HDAC1: variants seen among roughly 807,000 people sequenced by gnomAD.
HDAC1 encodes histone deacetylase 1.
HDAC1 carries 18 observed loss-of-function variants against 65.5 expected under a neutral mutation model. That is an observed-to-expected ratio of 0.27 (90% CI 0.19 to 0.41). HDAC1 has a LOEUF of 0.41. Among genes scored for constraint, HDAC1 ranks in the 10% least tolerant of loss-of-function variants. The probability of loss-of-function intolerance (pLI) is 1.00; values close to 1 mark genes in which losing one functional copy is unlikely to be tolerated. For synonymous variants in HDAC1, 211 were observed against 227.9 expected (o/e 0.93, Z 0.67); for missense variants, 373 against 625.2 (o/e 0.60, Z 4.30).
At chr1:32,297,053 A>T (rs1385204488) in intron 1 of HDAC1, among the ~76,000 whole-genome samples, 1 of 152,132 alleles carries the variant, frequency 6.6e-6, no homozygotes, top group Non-Finnish European at 1.5e-5. Flanking sequence ...GGGGTAGGGC[A>T]GTTGGTGGAG....
intron 2 of HDAC1, 131 bp downstream of exon 2, chr1:32,302,864 A>G: frequency 1.6e-6 from 1 of 629,462 alleles, no homozygotes. Context: ...GTTACAAGGC[A>G]GGTACTGTAA....
Position 32,331,227 on chromosome 1 carries a change from G to A in HDAC1, c.980-247G>A, listed in dbSNP as rs1342222094. On this transcript the variant is annotated intron_variant, in intron 9 of 13. Coordinates refer to ENST00000373548, the MANE Select transcript of HDAC1 (RefSeq NM_004964.3). This position sits in a 1 kb window ranked among gnomAD's most constrained non-coding sequence, Gnocchi z 4.2. The stretch of plus-strand genomic sequence containing the variant: ...GCGCTCATAATGAGCATGGCCTCAA[G>A]TGTCCTAAACCAGGGACATGGGCCT... 6.6e-6 allele frequency among the ~76,000 whole-genome samples: 1 copy of A among 152,176 alleles called. No homozygotes were observed. Among genetic ancestry groups the A allele is most frequent in the African/African-American group, 2.4e-5 (1 of 41,422 alleles).
Position 32,306,941 on chromosome 1 carries a change from T to C in HDAC1, c.162+4208T>C, listed in dbSNP as rs1640918994. Among the ~76,000 whole-genome samples, 5 of 152,198 alleles carry C rather than the reference T, an allele frequency of 3.3e-5. No homozygotes were observed. The South Asian group carries it at 1.0e-3, about 31-fold the overall frequency. On this transcript the variant is annotated intron_variant, in intron 2 of 13. Coordinates refer to ENST00000373548, the MANE Select transcript of HDAC1 (RefSeq NM_004964.3). ...TTATAGCAATAAGCCGTTTACAGTT[T>C]CATGCATAGAAGATTCATTCCTGGC...
chr1:32,316,823 T>G, intron 3 of HDAC1, 41 bp downstream of exon 3: 1 of 1,234,416 alleles, frequency 8.1e-7, no homozygotes, highest in Non-Finnish European at 1.2e-6. Context: ...AGCCGCCAGT[T>G]GCATCTCCCT....
At chr1:32,299,822 C>T (rs907241841) in intron 1 of HDAC1, among the ~76,000 whole-genome samples, 8 of 151,876 alleles carry the variant, frequency 5.3e-5, no homozygotes, top group Non-Finnish European at 7.4e-5. Flanking sequence ...TTTGGGAGGC[C>T]GAGGTGGACG....
chr1:32,318,335 T>C (rs1641092485), intron 3 of HDAC1, among the ~76,000 whole-genome samples: 1 of 152,152 alleles, frequency 6.6e-6, no homozygotes, highest in Admixed American at 6.5e-5. Context: ...GGTGGGAGGA[T>C]TGCTTGAGCC....
At chr1:32,310,572 G>A (rs1270288962) in intron 2 of HDAC1, among the ~76,000 whole-genome samples, 2 of 152,066 alleles carry the variant, frequency 1.3e-5, no homozygotes, top group South Asian at 2.1e-4. Flanking sequence ...AAGACAGGCC[G>A]GGCGCAGTGG....
intron 1 of HDAC1, among the ~76,000 whole-genome samples, chr1:32,301,768 C>CA (rs1031170376): frequency 4.6e-5 from 7 of 151,428 alleles, no homozygotes; most frequent in African/African-American, 1.7e-4. Flanking sequence ...AGACTTGTCT[C>CA]AAAAAAAAGA....
chr1:32,307,790 A>C (rs753077406), intron 2 of HDAC1, among the ~76,000 whole-genome samples: 7 of 152,302 alleles, frequency 4.6e-5, no homozygotes, highest in Non-Finnish European at 8.8e-5. Flanking sequence ...ATTTGCTTTT[A>C]CTTTGTAAAA....
chr1:32,333,031 T>G lies in HDAC1; in HGVS notation c.1436T>G (p.Val479Gly). 1 of 1,613,766 alleles carries G rather than the reference T, an allele frequency of 6.2e-7. No individual in the cohort carries two copies. The highest frequency in any genetic ancestry group is 8.5e-7 in the Non-Finnish European group (1 of 1,179,860). Residue 479 changes from valine (V) to glycine (G), a missense_variant, in exon 14 of 14, where the codon GTC becomes GGC. Val to Gly is a moderately radical substitution (Grantham distance 109). Coordinates refer to ENST00000373548, the MANE Select transcript of HDAC1 (RefSeq NM_004964.3). ...TCTCTCCACAGGGTCAAGGAGGAGG[T>G]CAAGTTGGCCTGAATGGACCTCTCC... ...KPEAKGVKEE[V>G]KLA
At chr1:32,293,976 G>A (rs1476554129) in intron 1 of HDAC1, among the ~76,000 whole-genome samples, 2 of 151,496 alleles carry the variant, frequency 1.3e-5, no homozygotes, top group East Asian at 3.9e-4. Flanking sequence ...GCTGAGGTGC[G>A]AGAGTTGTTT....
intron 1 of HDAC1, among the ~76,000 whole-genome samples, chr1:32,299,329 T>C (rs1016367266): frequency 6.6e-6 from 1 of 151,926 alleles, no homozygotes; most frequent in Non-Finnish European, 1.5e-5. Flanking sequence ...ACATCTGTAA[T>C]CCCAGCACTT....
chr1:32,319,114 G>A (rs1307224503), intron 3 of HDAC1, among the ~76,000 whole-genome samples: 4 of 151,572 alleles, frequency 2.6e-5, no homozygotes, highest in South Asian at 2.1e-4. Context: ...GCGAGACTCC[G>A]TCTCAAAAAA....
At position 32,329,232 on chromosome 1, in the gene HDAC1, C is replaced by CT; in HGVS notation, c.729+72_729+73insT. The CT allele has an allele frequency of 3.4e-6, 3 of 870,344 alleles. No individual in the cohort carries two copies. Among genetic ancestry groups the CT allele is most frequent in the Non-Finnish European group, 6.0e-6 (3 of 501,714 alleles). 53.9% of individuals were successfully genotyped at this position (870,344 alleles called of 1,614,324 possible). On this transcript the variant is annotated intron_variant, in intron 7 of 13. Coordinates refer to ENST00000373548, the MANE Select transcript of HDAC1 (RefSeq NM_004964.3). This position sits in a 1 kb window ranked among gnomAD's most constrained non-coding sequence, Gnocchi z 4.1. ...GGCGGTGGAGGGGAGCAAAGCACCCCCACCATACCTCAGGAATCTCTCCTT... is the reference window on the plus strand; with the variant it reads ...GGCGGTGGAGGGGAGCAAAGCACCCCTCACCATACCTCAGGAATCTCTCCTT...
intron 3 of HDAC1, among the ~76,000 whole-genome samples, chr1:32,321,735 T>C (rs559180713): frequency 6.6e-5 from 10 of 152,272 alleles, no homozygotes; most frequent in Non-Finnish European, 1.0e-4. Context: ...AAAATATTTT[T>C]TTTTTTCTCA....
Position 32,329,738 on chromosome 1 carries a change from A to T in HDAC1, c.729+578A>T, listed in dbSNP as rs377143227. ...GGATGATCAGAGGAATGAGAGACAA[A>T]CTACTGCCTGGGCTGGCAGGAGGGT... On this transcript the variant is annotated intron_variant, in intron 7 of 13. Coordinates refer to ENST00000373548, the MANE Select transcript of HDAC1 (RefSeq NM_004964.3). The surrounding 1 kb of genome is among the most constrained non-coding windows in gnomAD (Gnocchi z 4.1). 1.1e-4 allele frequency: 17 copies of T among 155,514 alleles called. No homozygotes were observed. The highest frequency in any genetic ancestry group is 3.8e-4 in the East Asian group (2 of 5,268). The allele number at this position is 155,514 out of a possible 1,614,324, so 9.6% of individuals were successfully genotyped here. A position where few individuals can be genotyped will look rare whatever the true frequency, so the allele number is the denominator to read the frequency against.
chr1:32,313,386 C>T (rs1197064579), intron 2 of HDAC1, among the ~76,000 whole-genome samples: 3 of 152,050 alleles, frequency 2.0e-5, no homozygotes, highest in African/African-American at 2.4e-5. Flanking sequence ...TGAGCCACTG[C>T]GCCTGGCCCC....
In HDAC1 at chr1:32,304,825, A is replaced by G. The variant is rs966718921; in HGVS notation, c.162+2092A>G. Among the ~76,000 whole-genome samples, 4 of 152,206 alleles carry G rather than the reference A, an allele frequency of 2.6e-5. No homozygotes were observed. In the East Asian group the frequency reaches 7.7e-4, roughly 29 times the overall value. ...GCAATCCGCCTGCCTCGGCCTCCCA[A>G]AGTGCTGGGATTACAGGCATGAGCC... On this transcript the variant is annotated intron_variant, in intron 2 of 13. Coordinates refer to ENST00000373548, the MANE Select transcript of HDAC1 (RefSeq NM_004964.3).
chr1:32,312,661 A>C (rs914686467), intron 2 of HDAC1, among the ~76,000 whole-genome samples: 1 of 150,686 alleles, frequency 6.6e-6, no homozygotes, highest in African/African-American at 2.4e-5. Flanking sequence ...GTGCCTGGCT[A>C]TGAACTTTTT....
Sources: gnomAD v4.1 joint callset for allele counts (sites outside exome capture counted in the v4.1 genomes callset) on GRCh38, gnomAD v4.1.1 for gene constraint, Gnocchi (gnomAD v3.1) non-coding constraint, MANE v1.5 for transcripts, NCBI Gene and HGNC (gene_info 2026-07-23, HGNC 2026-07-21) for gene names.